Variants in LDLRAP1 observed in about 807,000 individuals in gnomAD.
LDLRAP1 encodes low density lipoprotein receptor adaptor protein 1.
In LDLRAP1, 30 loss-of-function variants were observed where a neutral mutation model predicts 37.8. That is an observed-to-expected ratio of 0.79 (90% CI 0.59 to 1.08). The LOEUF is 1.08. Ranked by LOEUF, LDLRAP1 falls within the 50% of genes least tolerant of loss-of-function variation. The probability of loss-of-function intolerance (pLI) is 0.00; values close to 1 mark genes in which losing one functional copy is unlikely to be tolerated. For synonymous variants in LDLRAP1, 156 were observed against 169.8 expected, an observed-to-expected ratio of 0.92 and a Z score of 0.63; for missense variants, 375 against 401.6, an observed-to-expected ratio of 0.93 and a Z score of 0.57.
At chr1:25,562,985 C>T in intron 5 of LDLRAP1, 85 bp from the exon 6 acceptor site, 2 of 1,329,840 alleles carry the variant, frequency 1.5e-6, no homozygotes, top group African/African-American at 1.4e-5. Flanking sequence ...TGAGGTTGGC[C>T]ACCGCTAATC....
chr1:25,571,271 A>G (rs1454873906), downstream of LDLRAP1, among the ~76,000 whole-genome samples: 1 of 152,196 alleles, frequency 6.6e-6, no homozygotes, highest in Non-Finnish European at 1.5e-5. Context: ...CCTCTTCCCC[A>G]GTGGCTGCCC....
chr1:25,546,146 G>T (rs2043928594), intron 1 of LDLRAP1, among the ~76,000 whole-genome samples: 1 of 152,192 alleles, frequency 6.6e-6, no homozygotes, highest in Non-Finnish European at 1.5e-5. Context: ...GGGGCCATGG[G>T]GTATGTGGGG....
chr1:25,553,234 C>T (rs2044117831), intron 1 of LDLRAP1: 1 of 153,052 alleles, frequency 6.5e-6, no homozygotes, highest in African/African-American at 2.4e-5. Flanking sequence ...GAGCCTCAGT[C>T]TCCTAATCTG....
chr1:25,569,748 A>G (rs1160757046), downstream of LDLRAP1, among the ~76,000 whole-genome samples: 1 of 152,218 alleles, frequency 6.6e-6, no homozygotes, highest in Non-Finnish European at 1.5e-5. Context: ...CCATATTGCA[A>G]CGGTTGTGCT....
intron 4 of LDLRAP1, among the ~76,000 whole-genome samples, chr1:25,558,912 T>C (rs1215198575): frequency 6.6e-6 from 1 of 152,196 alleles, no homozygotes; most frequent in East Asian, 1.9e-4. Context: ...GGAGACAGTC[T>C]AGCGGTCTCC....
At position 25,564,783 on chromosome 1, in the gene LDLRAP1, C is replaced by T. The variant is rs76917745; in HGVS notation, c.748-390C>T. Reference sequence around the variant, plus strand: ...GAAGGCAAGAAAACTCCCTTCCCCACCCTCTTCCTTTTGGAATTTGAAAGC... The same window carrying T: ...GAAGGCAAGAAAACTCCCTTCCCCATCCTCTTCCTTTTGGAATTTGAAAGC... On this transcript the variant is annotated intron_variant, in intron 7 of 8. Coordinates refer to ENST00000374338, the MANE Select transcript of LDLRAP1 (RefSeq NM_015627.3). 315 of 204,500 alleles carry T rather than the reference C, an allele frequency of 1.5e-3. 1 individual carries two copies. The highest frequency in any genetic ancestry group is 0.012 in the East Asian group (108 of 8,790). The allele number at this position is 204,500 out of a possible 1,614,324, so 12.7% of individuals were successfully genotyped here.
Position 25,555,157 on chromosome 1 carries a change from G to A in LDLRAP1, c.344+185G>A, listed in dbSNP as rs560678941. On this transcript the variant is annotated intron_variant, in intron 3 of 8. Coordinates refer to ENST00000374338, the MANE Select transcript of LDLRAP1 (RefSeq NM_015627.3). The surrounding 1 kb of genome is among the most constrained non-coding windows in gnomAD (Gnocchi z 4.7). The stretch of plus-strand genomic sequence containing the variant: ...CGCTGTTAGGAAACGTGGAGTGCAC[G>A]GCACCTGGCTCATGATGAGCATTTG... Among the ~76,000 whole-genome samples, 4 of 152,308 alleles carry A rather than the reference G, an allele frequency of 2.6e-5. No homozygotes were observed. Among genetic ancestry groups the A allele is most frequent in the African/African-American group, 7.2e-5 (3 of 41,558 alleles).
chr1:25,584,114 G>A, the LDLRAP1 span, among the ~76,000 whole-genome samples: 12 of 152,184 alleles, frequency 7.9e-5, no homozygotes, highest in African/African-American at 2.2e-4. Context: ...GGTCCTCCGC[G>A]TGGCAGGTGT....
At chr1:25,586,784 C>T in the LDLRAP1 span, among the ~76,000 whole-genome samples, 2 of 152,264 alleles carry the variant, frequency 1.3e-5, no homozygotes, top group Admixed American at 6.5e-5. The surrounding 1 kb of genome is among the most constrained non-coding windows in gnomAD (Gnocchi z 4.3). Context: ...ATGCCTGAGC[C>T]CTGATGGTCC....
chr1:25,549,015 A>C (rs1201901069), intron 1 of LDLRAP1, among the ~76,000 whole-genome samples: 2 of 152,236 alleles, frequency 1.3e-5, no homozygotes, highest in East Asian at 3.8e-4. Context: ...TATGAACTCC[A>C]CAGCCCATAG....
At chr1:25,573,521 G>A (rs558773148), downstream of LDLRAP1, among the ~76,000 whole-genome samples, 11 of 152,258 alleles carry the variant, frequency 7.2e-5, no homozygotes, top group African/African-American at 2.2e-4. Flanking sequence ...CAGCCCTTGC[G>A]GCTCAGGAGG....
In LDLRAP1 at chr1:25,557,140, C is replaced by T. The variant is rs1451544635; in HGVS notation, c.345-13C>T. On this transcript the variant is annotated splice_polypyrimidine_tract_variant and intron_variant, in intron 3 of 8. Coordinates refer to ENST00000374338, the MANE Select transcript of LDLRAP1 (RefSeq NM_015627.3). Reference sequence around the variant, plus strand: ...TGTGCCAGGTCTGGTGATGCTTCCTCCTTGCCTTTCAGGATCTCCTATTGC... The same window carrying T: ...TGTGCCAGGTCTGGTGATGCTTCCTTCTTGCCTTTCAGGATCTCCTATTGC... The T allele has an allele frequency of 4.4e-6, 7 of 1,605,334 alleles. No homozygotes were observed. Among genetic ancestry groups the T allele is most frequent in the Non-Finnish European group, 6.0e-6 (7 of 1,171,930 alleles).
the LDLRAP1 span, among the ~76,000 whole-genome samples, chr1:25,583,280 C>T: frequency 6.7e-6 from 1 of 149,786 alleles, no homozygotes; most frequent in East Asian, 2.0e-4. Context: ...ACCTCCATCT[C>T]CCAGGTTCAA....
At chr1:25,549,434 A>G (rs995796709) in intron 1 of LDLRAP1, among the ~76,000 whole-genome samples, 2 of 152,192 alleles carry the variant, frequency 1.3e-5, no homozygotes, top group Non-Finnish European at 2.9e-5. Context: ...CAGAACGGGC[A>G]CAAGGGCATT....
chr1:25,544,478 C>T lies in LDLRAP1; in HGVS notation c.88+692C>T, dbSNP rs974378590. Among the ~76,000 whole-genome samples, 2 of 152,214 alleles carry T rather than the reference C, an allele frequency of 1.3e-5. No individual in the cohort carries two copies. The highest frequency in any genetic ancestry group is 2.9e-5 in the Non-Finnish European group (2 of 68,038). The stretch of plus-strand genomic sequence containing the variant: ...CCTGGCGTCCCGACTATTTTTGAAA[C>T]CTGTTTTCTCTCGCACCTTTCCCCT... On this transcript the variant is annotated intron_variant, in intron 1 of 8. Coordinates refer to ENST00000374338, the MANE Select transcript of LDLRAP1 (RefSeq NM_015627.3). This position sits in a 1 kb window ranked among gnomAD's most constrained non-coding sequence, Gnocchi z 4.8.
intron 7 of LDLRAP1, 59 bp downstream of exon 7, chr1:25,563,850 G>A (rs1192615926): frequency 1.2e-6 from 2 of 1,608,980 alleles, no homozygotes; most frequent in Non-Finnish European, 1.7e-6. Flanking sequence ...GGGTGAGCCT[G>A]GGGCTGCTCC....
At chr1:25,582,583 C>CAA in the LDLRAP1 span, among the ~76,000 whole-genome samples, 12 of 125,076 alleles carry the variant, frequency 9.6e-5, no homozygotes, top group African/African-American at 1.9e-4. Context: ...GACCCCATCT[C>CAA]AAAAAAAAAA....
chr1:25,545,124 C>T (rs2043902687), intron 1 of LDLRAP1, among the ~76,000 whole-genome samples: 1 of 152,162 alleles, frequency 6.6e-6, no homozygotes, highest in Non-Finnish European at 1.5e-5. Context: ...GATTGCATCC[C>T]AAAATAGACC....
In LDLRAP1 at chr1:25,557,161, A is replaced by G. The variant is rs773460269; in HGVS notation, c.353A>G (p.Tyr118Cys). 4.3e-6 allele frequency: 7 copies of G among 1,613,632 alleles called. No homozygotes were observed. The highest frequency in any genetic ancestry group is 5.9e-6 in the Non-Finnish European group (7 of 1,179,594). ...TCCTCCTTGCCTTTCAGGATCTCCT[A>G]TTGCACAGCAGACAAGATGCACGAC... ...IENVSIYRIS[Y>C]CTADKMHDKV... Residue 118 changes from tyrosine to cysteine, a missense_variant, in exon 4 of 9, where the codon TAT becomes TGT. Physicochemically the swap from Tyr to Cys is radical, Grantham distance 194 (BLOSUM62 -2). Coordinates refer to ENST00000374338, the MANE Select transcript of LDLRAP1 (RefSeq NM_015627.3).
Sources: gnomAD v4.1 joint callset for allele counts (sites outside exome capture counted in the v4.1 genomes callset) on GRCh38, gnomAD v4.1.1 for gene constraint, Gnocchi (gnomAD v3.1) non-coding constraint, MANE v1.5 for transcripts, NCBI Gene and HGNC (gene_info 2026-07-23, HGNC 2026-07-21) for gene names.